The following MYO1D variants were observed in gnomAD, a reference collection of about 807,000 sequenced individuals.
The protein encoded by MYO1D is unconventional myosin-Id.
In MYO1D, 83 loss-of-function variants were observed where a neutral mutation model predicts 122.0. The ratio of observed to expected loss-of-function variants is 0.68; its 90% CI spans 0.57 to 0.82. MYO1D has a LOEUF of 0.82. Ranked by LOEUF, MYO1D falls within the 40% of genes least tolerant of loss-of-function variation. The pLI, the probability that MYO1D is intolerant of heterozygous loss-of-function variation, is 0.00. For missense variants in MYO1D, 1,157 were observed against 1,269.5 expected (o/e 0.91, Z 1.35); for synonymous variants, 464 against 446.9 (o/e 1.04, Z -0.48).
At chr17:32,731,556 T>A (rs1179191318) in intron 14 of MYO1D, among the ~76,000 whole-genome samples, 1 of 152,238 alleles carries the variant, frequency 6.6e-6, no homozygotes, top group Non-Finnish European at 1.5e-5. Context: ...TACTGTGAGC[T>A]AATTTTCCTT....
chr17:32,725,946 T>C (rs2089567238), intron 14 of MYO1D, among the ~76,000 whole-genome samples: 1 of 152,224 alleles, frequency 6.6e-6, no homozygotes, highest in African/African-American at 2.4e-5. Context: ...AGGAACACTA[T>C]CTTTGAAGTG....
At chr17:32,836,416 A>G (rs908616260) in intron 1 of MYO1D, among the ~76,000 whole-genome samples, 2 of 152,160 alleles carry the variant, frequency 1.3e-5, no homozygotes, top group East Asian at 1.9e-4. Context: ...CCCCTTAGAG[A>G]TCAATACATA....
intron 20 of MYO1D, among the ~76,000 whole-genome samples, chr17:32,622,878 T>C (rs929428483): frequency 6.6e-6 from 1 of 152,200 alleles, no homozygotes; most frequent in African/African-American, 2.4e-5. Flanking sequence ...ACTGTTAAAA[T>C]GGGGCATGAA....
chr17:32,558,100 T>C (rs957840273), intron 21 of MYO1D, among the ~76,000 whole-genome samples: 2 of 152,168 alleles, frequency 1.3e-5, no homozygotes, highest in Non-Finnish European at 2.9e-5. Context: ...GATTCTATTG[T>C]GGATCAAAGT....
intron 1 of MYO1D, among the ~76,000 whole-genome samples, chr17:32,868,547 A>G (rs1471716610): frequency 6.6e-6 from 1 of 152,212 alleles, no homozygotes; most frequent in Non-Finnish European, 1.5e-5. Context: ...TGAGGGAGGA[A>G]GAAATGACAA....
chr17:32,635,514 AC>A (rs1343884219), intron 20 of MYO1D, among the ~76,000 whole-genome samples: 2 of 151,926 alleles, frequency 1.3e-5, no homozygotes, highest in Non-Finnish European at 2.9e-5. Context: ...GCCTGGTGAA[AC>A]CCCATCTCTA....
intron 16 of MYO1D, among the ~76,000 whole-genome samples, chr17:32,697,840 T>C (rs2089193020): frequency 6.6e-6 from 1 of 152,246 alleles, no homozygotes. Context: ...CATTCTGCTT[T>C]CTTTGTGAGC....
intron 21 of MYO1D, among the ~76,000 whole-genome samples, chr17:32,548,170 C>G (rs2086980731): frequency 6.6e-6 from 1 of 152,114 alleles, no homozygotes; most frequent in Middle Eastern, 3.4e-3. Context: ...GTCATTCCAG[C>G]ACTTTGGGTG....
At chr17:32,711,255 T>C (rs1463643424) in intron 16 of MYO1D, among the ~76,000 whole-genome samples, 1 of 152,180 alleles carries the variant, frequency 6.6e-6, no homozygotes, top group Non-Finnish European at 1.5e-5. Context: ...TAACGAGCAT[T>C]GAGTCAGCAC....
chr17:32,530,177 G>A (rs1445938726), intron 21 of MYO1D: 1 of 152,174 alleles, frequency 6.6e-6, no homozygotes, highest in Non-Finnish European at 1.5e-5. Flanking sequence ...TGTGTTCATC[G>A]AGCCGCTCCA....
intron 7 of MYO1D, 35 bp downstream of exon 7, chr17:32,767,601 G>A: frequency 2.2e-6 from 3 of 1,380,484 alleles, no homozygotes; most frequent in Non-Finnish European, 3.1e-6. Context: ...GTTCTCAGCA[G>A]AAGACAATAC....
chr17:32,790,098 G>A (rs17248140), intron 1 of MYO1D, among the ~76,000 whole-genome samples: 4,298 of 152,176 alleles, frequency 0.028, 135 homozygotes, highest in East Asian at 0.19. Context: ...GATAGTGAAC[G>A]GTGTTAGCAA....
intron 16 of MYO1D, among the ~76,000 whole-genome samples, chr17:32,692,936 T>C (rs2150975093): frequency 6.6e-6 from 1 of 152,362 alleles, no homozygotes; most frequent in East Asian, 1.9e-4. Context: ...AATGTTTTAT[T>C]GTTGGCAAGG....
At position 32,659,276 on chromosome 17, in the gene MYO1D, G is replaced by A; in HGVS notation, c.2184C>T (p.Ile728=). The A allele has an allele frequency of 5.0e-6, 8 of 1,614,240 alleles. No homozygotes were observed. Among genetic ancestry groups the A allele is most frequent in the Non-Finnish European group, 6.8e-6 (8 of 1,180,048 alleles). The change falls in exon 17 of 22, where the codon ATC becomes ATT. Residue 728 remains isoleucine (I), a synonymous_variant. Coordinates refer to ENST00000318217, the MANE Select transcript of MYO1D (RefSeq NM_015194.3). ...TCACTTTGTAGCGCCGGTAGTACCT[G>A]ATTATTGTCAGAGCTGCCTTGGTTC... ...YKRTKAALTI[I]RYYRRYKVKS... is the part of the protein sequence containing the mutation.
intron 1 of MYO1D, among the ~76,000 whole-genome samples, chr17:32,852,421 T>C (rs1269186387): frequency 6.6e-6 from 1 of 152,186 alleles, no homozygotes; most frequent in Admixed American, 6.5e-5. Flanking sequence ...CCACTGTGCC[T>C]GGCCAAAATG....
At chr17:32,744,110 T>C (rs1307018664) in intron 13 of MYO1D, among the ~76,000 whole-genome samples, 3 of 152,262 alleles carry the variant, frequency 2.0e-5, no homozygotes, top group Admixed American at 1.3e-4. Context: ...ATCCAGGCTC[T>C]ACCTACCTTT....
chr17:32,618,886 C>T lies in MYO1D; in HGVS notation c.2710-13645G>A, dbSNP rs150081044. ...CAGACTTCAAGTGGTTCACCTGCTT[C>T]GGCCTCCCAAAGTGCTGGGATTACA... On this transcript the variant is annotated intron_variant, in intron 20 of 21. Transcript: ENST00000318217. 2.6e-3 allele frequency among the ~76,000 whole-genome samples: 397 copies of T among 152,264 alleles called. 1 individual carries two copies. Among genetic ancestry groups the T allele is most frequent in the African/African-American group, 9.1e-3 (378 of 41,548 alleles).
chr17:32,523,790 C>CAA (rs34905929), intron 21 of MYO1D, among the ~76,000 whole-genome samples: 14,346 of 91,242 alleles, frequency 0.16, 987 homozygotes, highest in South Asian at 0.21. Context: ...GACCCTGTCT[C>CAA]AAAAAAAAAA....
At chr17:32,723,243 T>C (rs1413251811) in intron 14 of MYO1D, among the ~76,000 whole-genome samples, 1 of 152,180 alleles carries the variant, frequency 6.6e-6, no homozygotes, top group Non-Finnish European at 1.5e-5. Flanking sequence ...CCAAGTTATA[T>C]ATAAGGGCAG....
Sources: gnomAD v4.1 joint callset for allele counts (sites outside exome capture counted in the v4.1 genomes callset) on GRCh38, gnomAD v4.1.1 for gene constraint, MANE v1.5 for transcripts, NCBI Gene and HGNC (gene_info 2026-07-23, HGNC 2026-07-21) for gene names.